The following ZFP91 variants were observed in gnomAD, a reference collection of about 807,000 sequenced individuals.
ZFP91 encodes the protein E3 ubiquitin-protein ligase ZFP91.
In ZFP91, 7 loss-of-function variants were observed where a neutral mutation model predicts 63.5. The ratio of observed to expected loss-of-function variants is 0.11; its 90% CI spans 0.06 to 0.21. The LOEUF is 0.21. Ranked by LOEUF, ZFP91 falls within the 10% of genes least tolerant of loss-of-function variation. The pLI is 1.00. For missense variants in ZFP91, 628 were observed against 736.6 expected (o/e 0.85, Z 1.71); for synonymous variants, 330 against 272.1 (o/e 1.21, Z -2.10).
intron 9 of ZFP91, 145 bp downstream of exon 9, chr11:58,614,488 GAC>G (rs1426999197): frequency 1.5e-5 from 9 of 593,770 alleles, no homozygotes; most frequent in Non-Finnish European, 2.2e-5. Flanking sequence ...AATGTAGTAA[GAC>G]AAATTTTACA....
Position 58,587,494 on chromosome 11 carries a change from A to G in ZFP91, c.370+2610A>G, listed in dbSNP as rs553212949. On this transcript the variant is annotated intron_variant, in intron 2 of 10. Coordinates refer to ENST00000316059, the MANE Select transcript of ZFP91 (RefSeq NM_053023.5). ...ACAAGGAACATTCCACACAAAAGTT[A>G]AAAAGGAAAAATTACTTCAAACTTG... is the stretch of plus-strand genomic sequence containing the variant. 3.1e-4 allele frequency among the ~76,000 whole-genome samples: 47 copies of G among 152,324 alleles called. 2 individuals are homozygous for G. In the South Asian group the frequency reaches 9.7e-3, roughly 32 times the overall value.
intron 2 of ZFP91, among the ~76,000 whole-genome samples, chr11:58,598,690 T>A (rs954686969): frequency 6.6e-6 from 1 of 152,052 alleles, no homozygotes; most frequent in Non-Finnish European, 1.5e-5. Context: ...TATGCTAATG[T>A]ATGGATTGTC....
Position 58,579,154 on chromosome 11 carries a change from G to T in ZFP91, c.-128G>T. 1.4e-6 allele frequency: 1 copy of T among 713,844 alleles called. No homozygotes were observed. Among genetic ancestry groups the T allele is most frequent in the Non-Finnish European group, 1.9e-6 (1 of 518,690 alleles). 44.2% of individuals were successfully genotyped at this position (713,844 alleles called of 1,614,324 possible). On this transcript the variant is annotated 5_prime_UTR_variant, in exon 1 of 11. Transcript: ENST00000316059. ...TCGGAGCCGGGCGGAGGGGAGGGGG[G>T]AAAGAGGAGCGCAGGGTGAGAGTGA...
Position 58,579,481 on chromosome 11 carries a change from C to T in ZFP91, c.200C>T (p.Ala67Val). Residue 67 changes from alanine to valine, a missense_variant, in exon 1 of 11, where the codon GCT (alanine) becomes GTT (valine). Ala to Val is a moderately conservative substitution (Grantham distance 64). Around this residue, in one of 3 missense-constraint regions of ZFP91, gnomAD observed 437 missense variants for 380.3 expected, o/e 1.15. Transcript: ENST00000316059. ...GRAAAAAAAA[A>V]VSRRRKAEYP... is the part of the protein sequence containing the mutation. ...GCCGCTGCGGCCGCCGCCGCCGCAGCTGTGTCCCGCCGGAGGAAGGCCGAG... is the reference window on the plus strand; with the variant it reads ...GCCGCTGCGGCCGCCGCCGCCGCAGTTGTGTCCCGCCGGAGGAAGGCCGAG... 1 of 1,507,604 alleles carries T rather than the reference C, an allele frequency of 6.6e-7. No individual in the cohort carries two copies. Among genetic ancestry groups the T allele is most frequent in the South Asian group, 1.2e-5 (1 of 80,968 alleles). 93.4% of individuals were successfully genotyped at this position (1,507,604 alleles called of 1,614,324 possible).
At chr11:58,586,895 G>C (rs1016130182) in intron 2 of ZFP91, among the ~76,000 whole-genome samples, 1 of 152,122 alleles carries the variant, frequency 6.6e-6, no homozygotes, top group African/African-American at 2.4e-5. Flanking sequence ...TTAGAGGTAA[G>C]ACTGGCCTTC....
chr11:58,605,955 A>G (rs1484979724), intron 2 of ZFP91, among the ~76,000 whole-genome samples: 1 of 151,666 alleles, frequency 6.6e-6, no homozygotes, highest in Non-Finnish European at 1.5e-5. Context: ...ATACTGGATC[A>G]TCTCTGTTGG....
intron 8 of ZFP91, among the ~76,000 whole-genome samples, chr11:58,613,813 A>G (rs1308771325): frequency 6.6e-6 from 1 of 152,204 alleles, no homozygotes; most frequent in Non-Finnish European, 1.5e-5. Flanking sequence ...ATCTTCAGCA[A>G]CAAATATAAC....
chr11:58,580,728 T>C (rs1454823449), intron 1 of ZFP91, among the ~76,000 whole-genome samples: 1 of 152,202 alleles, frequency 6.6e-6, no homozygotes, highest in Non-Finnish European at 1.5e-5. Flanking sequence ...GAAAGAGAAA[T>C]AAAATTCAGA....
intron 1 of ZFP91, among the ~76,000 whole-genome samples, chr11:58,582,505 CTTAA>C (rs1174284245): frequency 1.3e-5 from 2 of 152,144 alleles, no homozygotes; most frequent in Non-Finnish European, 2.9e-5. Context: ...ATTTGATTTT[CTTAA>C]TTAAAGTGAT....
At chr11:58,615,647 G>A (rs114931962) in intron 9 of ZFP91, among the ~76,000 whole-genome samples, 260 of 152,206 alleles carry the variant, frequency 1.7e-3, no homozygotes, top group African/African-American at 6.0e-3. Flanking sequence ...AGAACTGTGC[G>A]TTTTTAGACC....
rs772369989 is a variant in ZFP91, at chr11:58,579,395, G to A, written c.114G>A (p.Ala38=). ...EPQQRPPEAV[A]AAPAGTTSSR... ...AACAACGGCCCCCTGAGGCGGTCGC[G>A]GCGGCGCCTGCAGGGACCACTAGCA... The change falls in exon 1 of 11, where the codon GCG becomes GCA. Residue 38 remains alanine (A), a synonymous_variant. Transcript: ENST00000316059. 2.8e-4 allele frequency: 414 copies of A among 1,472,918 alleles called. 1 individual carries two copies. Among genetic ancestry groups the A allele is most frequent in the Non-Finnish European group, 3.5e-4 (391 of 1,118,500 alleles). The allele number at this position is 1,472,918 out of a possible 1,614,324, so 91.2% of individuals were successfully genotyped here. A position where few individuals can be genotyped will look rare whatever the true frequency, so the allele number is the denominator to read the frequency against.
At chr11:58,616,138 AGT>A (rs1855745100) in intron 9 of ZFP91, among the ~76,000 whole-genome samples, 1 of 152,248 alleles carries the variant, frequency 6.6e-6, no homozygotes, top group South Asian at 2.1e-4. Flanking sequence ...AAGGTAAAGT[AGT>A]ACAGGTGTTA....
intron 2 of ZFP91, among the ~76,000 whole-genome samples, chr11:58,591,766 A>T (rs770691747): frequency 6.6e-6 from 1 of 152,196 alleles, no homozygotes; most frequent in East Asian, 1.9e-4. Flanking sequence ...ACAAATTTGT[A>T]TCTAGAGTCT....
At chr11:58,594,440 C>G (rs1855362158) in intron 2 of ZFP91, among the ~76,000 whole-genome samples, 1 of 152,170 alleles carries the variant, frequency 6.6e-6, no homozygotes, top group Non-Finnish European at 1.5e-5. Flanking sequence ...GAGAAACCAT[C>G]CTTTCACCTT....
chr11:58,581,332 A>G (rs1336117984), intron 1 of ZFP91, among the ~76,000 whole-genome samples: 1 of 152,224 alleles, frequency 6.6e-6, no homozygotes, highest in Non-Finnish European at 1.5e-5. Flanking sequence ...TCAAGATAAG[A>G]TAATTATGTC....
chr11:58,587,261 G>A (rs1048971742), intron 2 of ZFP91, among the ~76,000 whole-genome samples: 13 of 152,106 alleles, frequency 8.5e-5, no homozygotes, highest in Non-Finnish European at 1.3e-4. Flanking sequence ...CATTCAACAG[G>A]TAATTGTTGA....
intron 2 of ZFP91, among the ~76,000 whole-genome samples, chr11:58,601,089 C>G (rs1855484325): frequency 6.6e-6 from 1 of 151,996 alleles, no homozygotes. Context: ...GTGTCTTTGT[C>G]TGGCTTTGGT....
chr11:58,582,920 T>C (rs1357003485), intron 1 of ZFP91, among the ~76,000 whole-genome samples: 2 of 152,100 alleles, frequency 1.3e-5, no homozygotes, highest in Non-Finnish European at 1.5e-5. Flanking sequence ...CATGATAAAT[T>C]GAAGCATAGA....
intron 1 of ZFP91, among the ~76,000 whole-genome samples, chr11:58,580,585 C>T (rs931632567): frequency 6.6e-6 from 1 of 152,128 alleles, no homozygotes; most frequent in Non-Finnish European, 1.5e-5. Flanking sequence ...TTTAAGTGTT[C>T]CCTTTCTTCC....
Sources: allele counts gnomAD v4.1 joint callset (sites outside exome capture counted in the v4.1 genomes callset), GRCh38; gene constraint gnomAD v4.1.1; regional missense constraint gnomAD v4.1.1; transcripts MANE v1.5; gene names NCBI Gene and HGNC (gene_info 2026-07-23, HGNC 2026-07-21).